ENAM: variants seen among roughly 807,000 people sequenced by gnomAD.
ENAM encodes amelogenesis imperfecta 2, hypocalcification (autosomal dominant).
A neutral mutation model predicts 33.6 loss-of-function variants in ENAM; 21 were observed. The ratio of observed to expected loss-of-function variants is 0.63; its 90% confidence interval spans 0.44 to 0.90. The LOEUF (loss-of-function observed/expected upper bound fraction) is 0.90, where lower values mean the gene tolerates loss of function less well. Ranked by LOEUF, ENAM falls within the 40% of genes least tolerant of loss-of-function variation. The pLI is 0.00. For synonymous variants in ENAM, 473 were observed against 468.4 expected, an observed-to-expected ratio of 1.01 and a Z score of -0.13; for missense variants, 1,388 against 1,366.9, an observed-to-expected ratio of 1.02 and a Z score of -0.24.
chr4:70,630,248 A>G (rs982230673), intron 2 of ENAM, among the ~76,000 whole-genome samples: 9 of 152,210 alleles, frequency 5.9e-5, no homozygotes, highest in Non-Finnish European at 8.8e-5. Context: ...GTCCATTATA[A>G]AAATGCTAAA....
intron 8 of ENAM, among the ~76,000 whole-genome samples, chr4:70,640,024 T>C (rs1194687923): frequency 6.6e-6 from 1 of 152,238 alleles, no homozygotes; most frequent in Non-Finnish European, 1.5e-5. Context: ...TTATATTGCA[T>C]TTGTTTTAAA....
intron 2 of ENAM, 36 bp downstream of exon 2, chr4:70,629,590 G>GTATCTAGTTTGAGAACCTGTAT: frequency 6.8e-7 from 1 of 1,473,326 alleles, no homozygotes; most frequent in Non-Finnish European, 9.5e-7. Context: ...AATACATACA[G>GTATCTAGTTTGAGAACCTGTAT]GTTCTCAAAC....
At chr4:70,629,608 T>C in intron 2 of ENAM, 54 bp downstream of exon 2, 1 of 1,290,198 alleles carries the variant, frequency 7.8e-7, no homozygotes, top group South Asian at 1.2e-5. Flanking sequence ...AACTAGATAC[T>C]GTCAGAAATA....
At chr4:70,636,284 C>T (rs1451293745) in intron 7 of ENAM, among the ~76,000 whole-genome samples, 1 of 152,078 alleles carries the variant, frequency 6.6e-6, no homozygotes, top group Non-Finnish European at 1.5e-5. Flanking sequence ...ACAGGGTGAG[C>T]TATGATTAGA....
chr4:70,629,509 G>T lies in ENAM; in HGVS notation c.9G>T (p.Val3=). ...AAATTTTGCTGAAAAAAATGTTGGT[G>T]CTTCGGTGCAGGCTTGGAACCTCTT... The part of the protein sequence containing the change: ML[V]LRCRLGTSFP... Residue 3 remains valine, a synonymous_variant, in exon 2 of 9, where the codon GTG becomes GTT. Coordinates refer to ENST00000396073, the MANE Select transcript of ENAM (RefSeq NM_031889.3). 6.2e-7 allele frequency: 1 copy of T among 1,613,166 alleles called. No homozygotes were observed. The highest frequency in any genetic ancestry group is 8.5e-7 in the Non-Finnish European group (1 of 1,179,350).
chr4:70,637,678 A>C, intron 7 of ENAM, 112 bp from the exon 8 acceptor site: 3 of 820,926 alleles, frequency 3.7e-6, no homozygotes, highest in Non-Finnish European at 6.6e-6. Context: ...TCAGAGTACT[A>C]ACTGAGCTCA....
intron 3 of ENAM, 34 bp downstream of exon 3, chr4:70,631,772 G>C (rs1310888309): frequency 7.5e-6 from 12 of 1,604,204 alleles, no homozygotes; most frequent in Non-Finnish European, 1.0e-5. Flanking sequence ...TCTTCTCTTT[G>C]TGTTCCGTTA....
At position 70,644,403 on chromosome 4, in the gene ENAM, G is replaced by A; in HGVS notation, c.2977G>A (p.Asp993Asn). ...TTGTCTCAAAAATGATCTTGGAGGA[G>A]ATGGGAACAACATTCTGGAACAAGT... The part of the protein sequence containing the change: ...TPCLKNDLGG[D>N]GNNILEQVFE... Residue 993 changes from aspartate to asparagine, a missense_variant, in exon 9 of 9, where the codon GAT becomes AAT. Coordinates refer to ENST00000396073, the MANE Select transcript of ENAM (RefSeq NM_031889.3). The A allele has an allele frequency of 5.0e-6, 8 of 1,614,202 alleles. No individual in the cohort carries two copies. Among genetic ancestry groups the A allele is most frequent in the Non-Finnish European group, 6.8e-6 (8 of 1,180,018 alleles).
At position 70,637,786 on chromosome 4, in the gene ENAM, T is replaced by A. The variant is rs1290761000; in HGVS notation, c.535-4T>A. 1 of 1,613,304 alleles carries A rather than the reference T, an allele frequency of 6.2e-7. No homozygotes were observed. Among genetic ancestry groups the A allele is most frequent in the Non-Finnish European group, 8.5e-7 (1 of 1,179,262 alleles). ...CTGTGTTCACTGTGTTTTTCACTTC[T>A]CAGAGGTTACCACCACCAGGTTATG... On this transcript the variant is annotated splice_region_variant and splice_polypyrimidine_tract_variant and intron_variant, in intron 7 of 8. Coordinates refer to ENST00000396073, the MANE Select transcript of ENAM (RefSeq NM_031889.3).
At chr4:70,641,393 A>ATTTTTTTT in intron 8 of ENAM, among the ~76,000 whole-genome samples, 1 of 141,806 alleles carries the variant, frequency 7.1e-6, no homozygotes, top group Non-Finnish European at 1.5e-5. Context: ...TTATTTATTT[A>ATTTTTTTT]TTTATTTTTT....
In ENAM at chr4:70,645,197, T is replaced by C. The variant is rs7679569; in HGVS notation, c.*342T>C. ...AAAGTTCCATACTTGCAAAATTGGT[T>C]TTTCAAGACTGAAAGGCAGATTAAC... On this transcript the variant is annotated 3_prime_UTR_variant, in exon 9 of 9. Coordinates refer to ENST00000396073, the MANE Select transcript of ENAM (RefSeq NM_031889.3). 0.075 allele frequency: 35,027 copies of C among 466,610 alleles called. 3,369 individuals are homozygous for C. Among genetic ancestry groups the C allele is most frequent in the African/African-American group, 0.32 (16,705 of 51,608 alleles). The allele number at this position is 466,610 out of a possible 1,614,324, so 28.9% of individuals were successfully genotyped here.
Position 70,645,207 on chromosome 4 carries a change from TGAAAGGCA to T in ENAM, c.*355_*362del. The T allele has an allele frequency of 2.2e-6, 1 of 445,176 alleles. No individual in the cohort carries two copies. The highest frequency in any genetic ancestry group is 2.0e-5 in the African/African-American group (1 of 51,154). The allele number at this position is 445,176 out of a possible 1,614,324, so 27.6% of individuals were successfully genotyped here. A position where few individuals can be genotyped will look rare whatever the true frequency, so the allele number is the denominator to read the frequency against. On this transcript the variant is annotated 3_prime_UTR_variant, in exon 9 of 9. Transcript: ENST00000396073. ...ACTTGCAAAATTGGTTTTTCAAGAC[TGAAAGGCA>T]GATTAACTTTCCATTCTACTTATGG...
At position 70,631,631 on chromosome 4, in the gene ENAM, T is replaced by C. The variant is rs201964637; in HGVS notation, c.55-39T>C. The C allele has an allele frequency of 1.0e-4, 149 of 1,458,916 alleles. No individual in the cohort carries two copies. In the Middle Eastern group the frequency reaches 1.2e-3, roughly 12 times the overall value. The allele number at this position is 1,458,916 out of a possible 1,614,324, so 90.4% of individuals were successfully genotyped here. A position where few individuals can be genotyped will look rare whatever the true frequency, so the allele number is the denominator to read the frequency against. On this transcript the variant is annotated intron_variant, in intron 2 of 8. Transcript: ENST00000396073. ...GTGCAGAGTGCCCTAAGCATACTTA[T>C]TTCACAGACCAAAAATAAAAATCAA... is the stretch of plus-strand genomic sequence containing the variant.
intron 2 of ENAM, 145 bp downstream of exon 2, chr4:70,629,699 A>T: frequency 2.6e-6 from 2 of 762,324 alleles, no homozygotes. Flanking sequence ...TGGAAGAAGA[A>T]CTTACACAGT....
rs879759677 is a variant in ENAM at position 70,642,512 on chromosome 4, C to T, written c.1086C>T (p.Asn362=). ...AAGTTCAAAGGGGTCCTCGGTGGAA[C>T]TTCTTTGCTTGGGAACGTAAACAAG... ...NQQVQRGPRW[N]FFAWERKQVA... Residue 362 remains asparagine (N), a synonymous_variant, in exon 9 of 9, where the codon AAC becomes AAT. Transcript: ENST00000396073. 2.5e-6 allele frequency: 4 copies of T among 1,614,104 alleles called. No individual in the cohort carries two copies. Among genetic ancestry groups the T allele is most frequent in the Non-Finnish European group, 2.5e-6 (3 of 1,180,024 alleles).
At chr4:70,638,303 C>A (rs10020802) in intron 8 of ENAM, among the ~76,000 whole-genome samples, 1 of 152,044 alleles carries the variant, frequency 6.6e-6, no homozygotes, top group Admixed American at 6.6e-5. Context: ...TATTCCAGCT[C>A]TATGTCATCT....
Position 70,642,313 on chromosome 4 carries a change from A to G in ENAM, c.887A>G (p.Asn296Ser). The G allele has an allele frequency of 6.2e-7, 1 of 1,614,180 alleles. No individual in the cohort carries two copies. The highest frequency in any genetic ancestry group is 8.5e-7 in the Non-Finnish European group (1 of 1,180,024). Residue 296 changes from asparagine to serine, a missense_variant, in exon 9 of 9, where the codon AAC (asparagine) becomes AGC (serine). Asn to Ser is a conservative substitution (Grantham distance 46). Transcript: ENST00000396073. ...GGGATTGGCCCACTCCCTGCAGTCA[A>G]CGCTTCAGGCCAGGGAGGGCCAGGA... ...QNGIGPLPAV[N>S]ASGQGGPGSQ...
Position 70,643,730 on chromosome 4 carries a change from C to T in ENAM, c.2304C>T (p.His768=). Residue 768 remains histidine (H), a synonymous_variant, in exon 9 of 9, where the codon CAC becomes CAT. Transcript: ENST00000396073. Reference sequence around the variant, plus strand: ...TTCCTTCACGGAATTCCTGGGACCACAGGATACAAGCCCAAGGGCAGAGAG... The same window carrying T: ...TTCCTTCACGGAATTCCTGGGACCATAGGATACAAGCCCAAGGGCAGAGAG... ...TLFPSRNSWD[H]RIQAQGQRER... 1 of 1,614,138 alleles carries T rather than the reference C, an allele frequency of 6.2e-7. No individual in the cohort carries two copies. Among genetic ancestry groups the T allele is most frequent in the East Asian group, 2.2e-5 (1 of 44,874 alleles).
chr4:70,630,948 G>T (rs1360332351), intron 2 of ENAM, among the ~76,000 whole-genome samples: 1 of 151,982 alleles, frequency 6.6e-6, no homozygotes, highest in Non-Finnish European at 1.5e-5. Context: ...CACCATGTTG[G>T]CTCAGCTGGT....
Sources: allele counts gnomAD v4.1 joint callset (sites outside exome capture counted in the v4.1 genomes callset), GRCh38; gene constraint gnomAD v4.1.1; transcripts MANE v1.5; gene names NCBI Gene and HGNC (gene_info 2026-07-23, HGNC 2026-07-21).